Variants in TLE1 observed in about 807,000 individuals in gnomAD.
TLE1 encodes transducin-like enhancer protein 1.
A neutral mutation model predicts 89.8 loss-of-function variants in TLE1; 21 were observed. The ratio of observed to expected loss-of-function variants is 0.23; its 90% CI spans 0.17 to 0.34. The LOEUF is 0.34. TLE1 is among the 10% of genes least tolerant of loss of function. TLE1 has a pLI of 1.00. For synonymous variants in TLE1, 447 were observed against 407.6 expected (o/e 1.10, Z -1.16); for missense variants, 795 against 1,031.2 (o/e 0.77, Z 3.14).
At chr9:81,660,244 A>T (rs1830598116) in intron 4 of TLE1, among the ~76,000 whole-genome samples, 1 of 151,994 alleles carries the variant, frequency 6.6e-6, no homozygotes. Context: ...GTCATGCCTC[A>T]ATGAACCAAA....
chr9:81,620,956 G>GT (rs776472802), intron 8 of TLE1: 12 of 506,726 alleles, frequency 2.4e-5, no homozygotes, highest in Admixed American at 6.2e-5. Context: ...TTCTTTAACT[G>GT]TAAGAGTCAA....
At position 81,584,125 on chromosome 9, in the gene TLE1, C is replaced by T. The variant is rs1828009170; in HGVS notation, c.*73G>A. 1.5e-6 allele frequency: 2 copies of T among 1,372,018 alleles called. No individual in the cohort carries two copies. The highest frequency in any genetic ancestry group is 2.1e-6 in the Non-Finnish European group (2 of 968,132). 85.0% of individuals were successfully genotyped at this position (1,372,018 alleles called of 1,614,324 possible). ...TAATTTTTTTTCTCTTTTAAAGTTACAACTTTTCTATTTCTATAAATTCGA... is the reference window on the plus strand; with the variant it reads ...TAATTTTTTTTCTCTTTTAAAGTTATAACTTTTCTATTTCTATAAATTCGA... On this transcript the variant is annotated 3_prime_UTR_variant, in exon 20 of 20. Coordinates refer to ENST00000376499, the MANE Select transcript of TLE1 (RefSeq NM_005077.5).
intron 9 of TLE1, among the ~76,000 whole-genome samples, chr9:81,617,176 A>G (rs1165215025): frequency 1.3e-5 from 2 of 151,406 alleles, no homozygotes; most frequent in Non-Finnish European, 2.9e-5. Flanking sequence ...TAGCTGGTGG[A>G]TCGAATAAGC....
chr9:81,622,867 C>G (rs1825449495), intron 8 of TLE1, among the ~76,000 whole-genome samples: 1 of 152,162 alleles, frequency 6.6e-6, no homozygotes, highest in Non-Finnish European at 1.5e-5. Flanking sequence ...ACACCACACT[C>G]AGACCCAGGG....
At chr9:81,633,475 T>C in intron 7 of TLE1, 111 bp from the exon 8 acceptor site, 11 of 1,511,504 alleles carry the variant, frequency 7.3e-6, no homozygotes, top group Non-Finnish European at 1.0e-5. Context: ...CAAACAGTTT[T>C]AAAAATGGCT....
At chr9:81,638,600 T>C (rs374301769) in intron 6 of TLE1, among the ~76,000 whole-genome samples, 15 of 152,160 alleles carry the variant, frequency 9.9e-5, no homozygotes, top group South Asian at 6.2e-4. Context: ...CAAAACCCAA[T>C]AGCTCTGCCA....
chr9:81,614,008 C>T (rs1233078736), intron 11 of TLE1, among the ~76,000 whole-genome samples: 3 of 151,008 alleles, frequency 2.0e-5, no homozygotes, highest in African/African-American at 2.4e-5. Flanking sequence ...CCCGGGTTCA[C>T]GCCATTCTCC....
chr9:81,670,868 T>G (rs969959506), intron 4 of TLE1, among the ~76,000 whole-genome samples: 1 of 152,026 alleles, frequency 6.6e-6, no homozygotes, highest in Non-Finnish European at 1.5e-5. Flanking sequence ...CTTAATAAAT[T>G]AGTCAAGAAA....
At chr9:81,683,623 T>C (rs1194651980) in intron 4 of TLE1, among the ~76,000 whole-genome samples, 2 of 152,166 alleles carry the variant, frequency 1.3e-5, no homozygotes, top group African/African-American at 4.8e-5. Flanking sequence ...TTAAACTGAA[T>C]TATAGCACTA....
chr9:81,651,738 A>G (rs1487244368), intron 6 of TLE1, among the ~76,000 whole-genome samples: 1 of 152,152 alleles, frequency 6.6e-6, no homozygotes, highest in Non-Finnish European at 1.5e-5. Context: ...AAAGTATTTA[A>G]AATTCTAACC....
rs949935775 is a variant in TLE1 at position 81,596,643 on chromosome 9, G to A, written c.1332-3369C>T. Among the ~76,000 whole-genome samples, 8 of 152,128 alleles carry A rather than the reference G, an allele frequency of 5.3e-5. No homozygotes were observed. The South Asian group carries it at 6.2e-4, about 12-fold the overall frequency. On this transcript the variant is annotated intron_variant, in intron 14 of 19. Coordinates refer to ENST00000376499, the MANE Select transcript of TLE1 (RefSeq NM_005077.5). ...CAGATAGTGAGCATTCATGAATATC[G>A]CTCACACCTGAATTCAGAATGAAGC...
At chr9:81,668,415 C>T (rs1012272035) in intron 4 of TLE1, among the ~76,000 whole-genome samples, 3 of 152,030 alleles carry the variant, frequency 2.0e-5, no homozygotes, top group African/African-American at 7.2e-5. Context: ...CAAAAGGATC[C>T]TAGATGACAG....
rs192522551 is a variant in TLE1, at chr9:81,684,961, T to A, written c.234+715A>T. Among the ~76,000 whole-genome samples, 221 of 152,332 alleles carry A rather than the reference T, an allele frequency of 1.5e-3. 1 individual carries two copies. In the Middle Eastern group the frequency reaches 0.017, roughly 12 times the overall value. On this transcript the variant is annotated intron_variant, in intron 4 of 19. Transcript: ENST00000376499. ...TTGTTCCAGCTCAATACTCTTTTTATACACCATTATAGTAGCCATAAGTGT... is the reference window on the plus strand; with the variant it reads ...TTGTTCCAGCTCAATACTCTTTTTAAACACCATTATAGTAGCCATAAGTGT...
At chr9:81,632,341 C>T (rs569590913) in intron 8 of TLE1, among the ~76,000 whole-genome samples, 4 of 152,168 alleles carry the variant, frequency 2.6e-5, no homozygotes, top group African/African-American at 9.6e-5. Flanking sequence ...ATGAAATATA[C>T]CAAGATCTGT....
intron 6 of TLE1, among the ~76,000 whole-genome samples, chr9:81,643,957 G>A (rs757744984): frequency 8.5e-5 from 13 of 152,124 alleles, no homozygotes; most frequent in Non-Finnish European, 7.3e-5. Flanking sequence ...ATGTGAAGGT[G>A]GATCCACTAC....
chr9:81,659,212 G>T (rs545027523), intron 4 of TLE1, among the ~76,000 whole-genome samples: 5 of 152,046 alleles, frequency 3.3e-5, no homozygotes, highest in Non-Finnish European at 7.4e-5. Context: ...CTGGCCTCTC[G>T]TAGTGACTCC....
At chr9:81,629,329 T>G (rs1424574661) in intron 8 of TLE1, among the ~76,000 whole-genome samples, 1 of 152,224 alleles carries the variant, frequency 6.6e-6, no homozygotes, top group Non-Finnish European at 1.5e-5. Context: ...AAGTTATTTT[T>G]TTATTACTAC....
intron 8 of TLE1, among the ~76,000 whole-genome samples, chr9:81,630,218 G>A (rs932839619): frequency 3.3e-5 from 5 of 151,672 alleles, no homozygotes; most frequent in African/African-American, 4.8e-5. Flanking sequence ...TAAGGGTCCC[G>A]GAGACCCTCG....
chr9:81,590,838 G>A lies in TLE1; in HGVS notation c.1796C>T (p.Ala599Val), dbSNP rs1829381526. The part of the protein sequence containing the change: ...CFSCCSDGNI[A>V]VWDLHNQTLV... ...TGTCTGGTTGTGCAGATCCCACACA[G>A]CGATGTTGCCGTCGCTGCAGCATGA... Residue 599 changes from alanine to valine, a missense_variant, in exon 16 of 20, where the codon GCT (alanine) becomes GTT (valine). This residue lies in a region of TLE1 where 214 missense variants were observed against 354.9 expected (regional missense o/e 0.60). Transcript: ENST00000376499. 1 of 1,614,194 alleles carries A rather than the reference G, an allele frequency of 6.2e-7. No individual in the cohort carries two copies. The highest frequency in any genetic ancestry group is 8.5e-7 in the Non-Finnish European group (1 of 1,180,030).
Sources: allele counts gnomAD v4.1 joint callset (sites outside exome capture counted in the v4.1 genomes callset), GRCh38; gene constraint gnomAD v4.1.1; regional missense constraint gnomAD v4.1.1; transcripts MANE v1.5; gene names NCBI Gene and HGNC (gene_info 2026-07-23, HGNC 2026-07-21).